AAGAB: variants seen among roughly 807,000 people sequenced by gnomAD.
The protein encoded by AAGAB is alpha- and gamma-adaptin-binding protein p34.
In AAGAB, 38 loss-of-function variants were observed where a neutral mutation model predicts 44.1. The ratio of observed to expected loss-of-function variants is 0.86; its 90% CI spans 0.67 to 1.13. AAGAB has a LOEUF of 1.13. Among genes scored for constraint, AAGAB ranks in the 50% most tolerant of loss-of-function variants. The pLI, the probability that AAGAB is intolerant of heterozygous loss-of-function variation, is 0.00. For synonymous variants in AAGAB, 131 were observed against 131.8 expected, an observed-to-expected ratio of 0.99 and a Z score of 0.04; for missense variants, 450 against 373.8, an observed-to-expected ratio of 1.20 and a Z score of -1.68.
chr15:67,223,276 A>G (rs1466912042), intron 5 of AAGAB, among the ~76,000 whole-genome samples: 4 of 152,168 alleles, frequency 2.6e-5, no homozygotes, highest in Admixed American at 6.5e-5. Flanking sequence ...GCTACCTGCT[A>G]TCTCCACTTG....
intron 3 of AAGAB, 29 bp downstream of exon 3, chr15:67,236,379 C>G (rs775172947): frequency 1.4e-5 from 22 of 1,591,096 alleles, no homozygotes; most frequent in Non-Finnish European, 1.7e-5. Flanking sequence ...AATGCATGTA[C>G]CAACTACTGT....
chr15:67,240,233 A>G (rs1371905527), intron 1 of AAGAB, among the ~76,000 whole-genome samples: 1 of 152,236 alleles, frequency 6.6e-6, no homozygotes, highest in Non-Finnish European at 1.5e-5. Flanking sequence ...TATATGTCAA[A>G]GATGAGTCAC....
At chr15:67,212,584 TC>T (rs1267017960) in intron 5 of AAGAB, among the ~76,000 whole-genome samples, 2 of 152,214 alleles carry the variant, frequency 1.3e-5, no homozygotes, top group African/African-American at 4.8e-5. Context: ...GGACTTTTGC[TC>T]ATATTATAAA....
intron 1 of AAGAB, among the ~76,000 whole-genome samples, chr15:67,238,967 T>C (rs1964533202): frequency 6.6e-6 from 1 of 152,158 alleles, no homozygotes; most frequent in Non-Finnish European, 1.5e-5. Context: ...AGTGCTGGGA[T>C]TACAGGCATG....
At chr15:67,222,242 G>GCACGCACACACACACA (rs1555417887) in intron 5 of AAGAB, among the ~76,000 whole-genome samples, 2 of 90,042 alleles carry the variant, frequency 2.2e-5, no homozygotes, top group Non-Finnish European at 4.6e-5. Context: ...GCGCGCGCGC[G>GCACGCACACACACACA]CACACACACA....
chr15:67,231,744 A>ATTT (rs1964339974), intron 5 of AAGAB, 70 bp downstream of exon 5: 1 of 1,238,166 alleles, frequency 8.1e-7, no homozygotes, highest in Admixed American at 1.7e-5. Context: ...ATGGTTCCAC[A>ATTT]TATATCTCAA....
intron 1 of AAGAB, among the ~76,000 whole-genome samples, chr15:67,243,982 G>A (rs1333587627): frequency 1.3e-5 from 2 of 152,094 alleles, no homozygotes; most frequent in East Asian, 3.9e-4. Context: ...GGACAATTAC[G>A]AGATAAAAAT....
chr15:67,240,822 C>T (rs1567029757), intron 1 of AAGAB, among the ~76,000 whole-genome samples: 8 of 152,178 alleles, frequency 5.3e-5, no homozygotes, highest in Non-Finnish European at 1.5e-5. Flanking sequence ...CCAACATCTT[C>T]CTCTTTTTAA....
chr15:67,215,848 A>C (rs1008259767), intron 5 of AAGAB, among the ~76,000 whole-genome samples: 7 of 152,188 alleles, frequency 4.6e-5, no homozygotes, highest in African/African-American at 1.7e-4. Flanking sequence ...GAATCAATTT[A>C]TTCTTTTTCA....
At position 67,204,106 on chromosome 15, in the gene AAGAB, G is replaced by C. The variant is rs1963631874; in HGVS notation, c.758C>G (p.Thr253Ser). The C allele has an allele frequency of 1.9e-6, 3 of 1,612,080 alleles. No individual in the cohort carries two copies. Among genetic ancestry groups the C allele is most frequent in the Non-Finnish European group, 2.5e-6 (3 of 1,178,488 alleles). ...ATTCTCCACATCTCCTCCTCCAGTGGTAAGACTGGCTAATTCTTGAATATC... is the reference window on the plus strand; with the variant it reads ...ATTCTCCACATCTCCTCCTCCAGTGCTAAGACTGGCTAATTCTTGAATATC... ...DLDIQELASLTTGGGDVENFE... is the reference protein window; with the variant it reads ...DLDIQELASLSTGGGDVENFE... The change falls in exon 8 of 10, where the codon ACC becomes AGC. Residue 253 changes from threonine to serine, a missense_variant. Transcript: ENST00000261880.
At chr15:67,245,096 T>G (rs1441561586) in intron 1 of AAGAB, among the ~76,000 whole-genome samples, 2 of 152,194 alleles carry the variant, frequency 1.3e-5, no homozygotes, top group Admixed American at 1.3e-4. Flanking sequence ...GAAAACAGTT[T>G]GGCAGTTTCT....
At chr15:67,208,095 C>G (rs1963726001) in intron 7 of AAGAB, among the ~76,000 whole-genome samples, 1 of 152,158 alleles carries the variant, frequency 6.6e-6, no homozygotes, top group Admixed American at 6.6e-5. Flanking sequence ...CCAGGCCCTT[C>G]TTGCTAGATG....
At chr15:67,231,957 C>CATGTGAATGTAT (rs902182919) in intron 4 of AAGAB, 60 bp from the exon 5 acceptor site, 2 of 1,441,718 alleles carry the variant, frequency 1.4e-6, no homozygotes, top group African/African-American at 2.8e-5. Flanking sequence ...TATACATATA[C>CATGTGAATGTAT]ATTCACAAAA....
intron 1 of AAGAB, among the ~76,000 whole-genome samples, chr15:67,252,210 C>G (rs569077785): frequency 6.6e-6 from 1 of 152,130 alleles, no homozygotes; most frequent in African/African-American, 2.4e-5. Context: ...CCATGTTTGC[C>G]GATTGGGATC....
In AAGAB at chr15:67,236,059, C is replaced by T. The variant is rs368162759; in HGVS notation, c.371G>A (p.Arg124Gln). The change falls in exon 4 of 10, where the codon CGA becomes CAA. Residue 124 changes from arginine (R) to glutamine (Q), a missense_variant. Coordinates refer to ENST00000261880, the MANE Select transcript of AAGAB (RefSeq NM_024666.5). ...GATGCACCATTCTTGAGCTTTTTGT[C>T]GGTTTATACCTAAAATAATATGCAA... ...CDRVSEDGINRQKAQEWCIKH... is the reference protein window; with the variant it reads ...CDRVSEDGINQQKAQEWCIKH... The T allele has an allele frequency of 2.5e-5, 41 of 1,608,828 alleles. No individual in the cohort carries two copies. The highest frequency in any genetic ancestry group is 8.0e-5 in the African/African-American group (6 of 74,864).
At chr15:67,251,901 C>T (rs929974643) in intron 1 of AAGAB, among the ~76,000 whole-genome samples, 2 of 152,160 alleles carry the variant, frequency 1.3e-5, no homozygotes, top group African/African-American at 4.8e-5. Context: ...CCACTGCTAC[C>T]CTATTCACAA....
At chr15:67,229,633 G>A (rs1964289161) in intron 5 of AAGAB, among the ~76,000 whole-genome samples, 1 of 152,002 alleles carries the variant, frequency 6.6e-6, no homozygotes, top group Non-Finnish European at 1.5e-5. Context: ...AGGAGAGGAA[G>A]GAGTACCTTA....
At chr15:67,235,855 G>C in intron 4 of AAGAB, 124 bp downstream of exon 4, 1 of 724,478 alleles carries the variant, frequency 1.4e-6, no homozygotes, top group Non-Finnish European at 2.3e-6. Flanking sequence ...AATGGATTTT[G>C]CTTAAATCCT....
At chr15:67,216,441 T>TG (rs1567018667) in intron 5 of AAGAB, among the ~76,000 whole-genome samples, 1 of 51,326 alleles carries the variant, frequency 1.9e-5, no homozygotes, top group African/African-American at 7.7e-5. Context: ...GACTCACTCT[T>TG]GAAAAAAAAA....
Sources: gnomAD v4.1 joint callset for allele counts (sites outside exome capture counted in the v4.1 genomes callset) on GRCh38, gnomAD v4.1.1 for gene constraint, MANE v1.5 for transcripts, NCBI Gene and HGNC (gene_info 2026-07-23, HGNC 2026-07-21) for gene names.